PRDM1: variants seen among roughly 807,000 people sequenced by gnomAD.
The protein encoded by PRDM1 is PR domain zinc finger protein 1.
In PRDM1, 13 loss-of-function variants were observed where a neutral mutation model predicts 62.8. That is an observed-to-expected ratio of 0.21 (90% CI 0.13 to 0.33). PRDM1 has a LOEUF of 0.33. Ranked by LOEUF, PRDM1 falls within the 10% of genes least tolerant of loss-of-function variation. The pLI is 1.00. For synonymous variants in PRDM1, 396 were observed against 417.6 expected, an observed-to-expected ratio of 0.95 and a Z score of 0.63; for missense variants, 895 against 1,058.8, an observed-to-expected ratio of 0.85 and a Z score of 2.15.
At chr6:106,098,912 T>A (rs903810318) in intron 3 of PRDM1, 3 of 1,511,836 alleles carry the variant, frequency 2.0e-6, no homozygotes, top group Non-Finnish European at 2.7e-6. Context: ...CTCAAAGCAC[T>A]AAAAGTCAGC....
At chr6:106,018,960 A>G (rs1772658265) in intron 1 of PRDM1, among the ~76,000 whole-genome samples, 1 of 152,104 alleles carries the variant, frequency 6.6e-6, no homozygotes, top group South Asian at 2.1e-4. Flanking sequence ...ATTATTTGAT[A>G]TAGTGGGGTT....
In PRDM1 at chr6:106,058,389, C is replaced by T. The variant is rs190748940; in HGVS notation, c.-67+9675C>T. 1.2e-3 allele frequency among the ~76,000 whole-genome samples: 183 copies of T among 152,202 alleles called. 1 individual carries two copies. The highest frequency in any genetic ancestry group is 6.2e-4 in the Non-Finnish European group (42 of 68,008). On this transcript the variant is annotated intron_variant, in intron 1 of 6. Transcript: ENST00000651185. ...GGCACTAATCCCATACACAAGAGCT[C>T]CACCCTCATTGCCACATTACCTCCC...
chr6:106,105,166 A>G lies in PRDM1; in HGVS notation c.1006A>G (p.Ser336Gly), dbSNP rs1281435122. ...RSPIPSSTTP[S>G]PSARSSPDQS... ...CCCCATTCCATCCTCCACCACTCCAAGCCCCTCTGCAAGAAGCAGCCCCGA... is the reference window on the plus strand; with the variant it reads ...CCCCATTCCATCCTCCACCACTCCAGGCCCCTCTGCAAGAAGCAGCCCCGA... The change falls in exon 5 of 7, where the codon AGC (serine) becomes GGC (glycine). Residue 336 changes from serine (S) to glycine (G), a missense_variant. Physicochemically the swap from Ser to Gly is moderately conservative, Grantham distance 56. Coordinates refer to ENST00000369096, the MANE Select transcript of PRDM1 (RefSeq NM_001198.4). 3 of 1,612,930 alleles carry G rather than the reference A, an allele frequency of 1.9e-6. No homozygotes were observed. The East Asian group carries it at 6.7e-5, about 36-fold the overall frequency.
chr6:106,013,596 G>A (rs530138068), intron 1 of PRDM1, among the ~76,000 whole-genome samples: 1 of 152,242 alleles, frequency 6.6e-6, no homozygotes, highest in South Asian at 2.1e-4. Flanking sequence ...CCAAAGTGCT[G>A]GGATTACAGG....
At chr6:106,059,138 C>T (rs1191029818) in intron 1 of PRDM1, among the ~76,000 whole-genome samples, 1 of 152,108 alleles carries the variant, frequency 6.6e-6, no homozygotes, top group African/African-American at 2.4e-5. Flanking sequence ...ATAGGGGTTA[C>T]ATTCTAGAGG....
chr6:106,024,251 C>T (rs980150625), intron 1 of PRDM1, among the ~76,000 whole-genome samples: 2 of 152,186 alleles, frequency 1.3e-5, no homozygotes, highest in Admixed American at 1.3e-4. Flanking sequence ...GCTGTCTGCA[C>T]ATGGCCATGA....
In PRDM1 at chr6:106,108,521, C is replaced by CT. The variant is rs5878868; in HGVS notation, c.*1056dup. ...GGTGTTTTGTTGTTGGTTTTTGTTG[C>CT]TTTTTTTTTTTTTTTTTTTTTAATG... On this transcript the variant is annotated 3_prime_UTR_variant, in exon 7 of 7. Transcript: ENST00000369096. 0.6 allele frequency: 85,922 copies of CT among 143,228 alleles called. 28,628 individuals are homozygous for CT. The highest frequency in any genetic ancestry group is 0.78 in the South Asian group (2,173 of 2,774). 8.9% of individuals were successfully genotyped at this position (143,228 alleles called of 1,614,324 possible). A position where few individuals can be genotyped will look rare whatever the true frequency, so the allele number is the denominator to read the frequency against.
At chr6:106,076,690 C>T (rs1773610665) in intron 1 of PRDM1, among the ~76,000 whole-genome samples, 1 of 152,198 alleles carries the variant, frequency 6.6e-6, no homozygotes, top group Non-Finnish European at 1.5e-5. Flanking sequence ...GTTTCCTACA[C>T]ACAAACAAAT....
At position 106,109,167 on chromosome 6, in the gene PRDM1, G is replaced by A; in HGVS notation, c.*1681G>A. The A allele has an allele frequency of 4.5e-6, 1 of 222,010 alleles. No individual in the cohort carries two copies. Among genetic ancestry groups the A allele is most frequent in the Non-Finnish European group, 9.0e-6 (1 of 111,494 alleles). The allele number at this position is 222,010 out of a possible 1,614,324, so 13.8% of individuals were successfully genotyped here. ...TACTTGGTGACCTCACAATCACGTCGGTATGATTGGGCACCCTTGCCTACT... is the reference window on the plus strand; with the variant it reads ...TACTTGGTGACCTCACAATCACGTCAGTATGATTGGGCACCCTTGCCTACT... On this transcript the variant is annotated 3_prime_UTR_variant, in exon 7 of 7. Transcript: ENST00000369096.
chr6:106,032,597 C>T lies in PRDM1; in HGVS notation c.-67+38958C>T, dbSNP rs545724511. Among the ~76,000 whole-genome samples the T allele has an allele frequency of 3.3e-5, 5 of 152,224 alleles. No homozygotes were observed. In the South Asian group the frequency reaches 1.0e-3, roughly 32 times the overall value. On this transcript the variant is annotated intron_variant, in intron 1 of 6. Coordinates refer to the PRDM1 transcript ENST00000652320. ...GGACTACAGGCTTGTGCCACCACAC[C>T]CAGCTAATTTTTGTATTTTTAGTAG...
intron 1 of PRDM1, among the ~76,000 whole-genome samples, chr6:106,002,066 T>TA (rs879287284): frequency 1.6e-3 from 232 of 146,772 alleles, no homozygotes; most frequent in East Asian, 0.01. Context: ...AAGTTTAGAT[T>TA]AAAAAAAAAA....
At chr6:106,000,989 C>T (rs796861916) in intron 1 of PRDM1, among the ~76,000 whole-genome samples, 18 of 152,258 alleles carry the variant, frequency 1.2e-4, no homozygotes, top group African/African-American at 4.3e-4. Context: ...TTAATTTACA[C>T]CGATACTATT....
chr6:106,041,717 G>C (rs1331876433), intron 1 of PRDM1, among the ~76,000 whole-genome samples: 1 of 151,682 alleles, frequency 6.6e-6, no homozygotes, highest in Non-Finnish European at 1.5e-5. Context: ...TAAAAGTTAC[G>C]TAAAAAATAG....
At chr6:106,067,157 G>T (rs1773446167) in intron 1 of PRDM1, among the ~76,000 whole-genome samples, 1 of 152,172 alleles carries the variant, frequency 6.6e-6, no homozygotes, top group Non-Finnish European at 1.5e-5. Context: ...CAGCCTCATA[G>T]AATTTGCTTG....
At chr6:106,092,034 G>A (rs990586942) in intron 2 of PRDM1, among the ~76,000 whole-genome samples, 1 of 150,972 alleles carries the variant, frequency 6.6e-6, no homozygotes, top group South Asian at 2.1e-4. Flanking sequence ...GTAATTTGGG[G>A]AGAGGATGAT....
intron 1 of PRDM1, among the ~76,000 whole-genome samples, chr6:106,056,100 T>A (rs570467339): frequency 6.6e-6 from 1 of 152,294 alleles, no homozygotes; most frequent in African/African-American, 2.4e-5. Flanking sequence ...GGTTAAGAAT[T>A]TCCATCTCAT....
chr6:106,063,321 G>C (rs1157473598), intron 1 of PRDM1, among the ~76,000 whole-genome samples: 1 of 152,072 alleles, frequency 6.6e-6, no homozygotes, highest in Non-Finnish European at 1.5e-5. Flanking sequence ...TTCACAAGTA[G>C]AGTTTTCTTG....
At chr6:106,042,914 A>G (rs1773023369) in intron 1 of PRDM1, among the ~76,000 whole-genome samples, 1 of 152,090 alleles carries the variant, frequency 6.6e-6, no homozygotes. Context: ...GCAATGGCGC[A>G]TTCTCGGCTC....
chr6:106,093,973 A>G (rs573913313), intron 2 of PRDM1, among the ~76,000 whole-genome samples: 1 of 152,344 alleles, frequency 6.6e-6, no homozygotes, highest in East Asian at 1.9e-4. Flanking sequence ...GTTTTAGAAA[A>G]AAAAATCATT....
Sources: allele counts gnomAD v4.1 joint callset (sites outside exome capture counted in the v4.1 genomes callset), GRCh38; gene constraint gnomAD v4.1.1; transcripts MANE v1.5; gene names NCBI Gene and HGNC (gene_info 2026-07-23, HGNC 2026-07-21).